The following EIF4G3 variants were observed in gnomAD, a reference collection of about 807,000 sequenced individuals.
EIF4G3 encodes the protein eukaryotic translation initiation factor 4 gamma 3.
Under a neutral mutation model 186.4 loss-of-function variants are expected in EIF4G3, and 34 were observed. The ratio of observed to expected loss-of-function variants is 0.18; its 90% CI spans 0.14 to 0.24. The LOEUF is 0.24. EIF4G3 is among the 10% of genes least tolerant of loss of function. The probability of loss-of-function intolerance (pLI) is 1.00; values close to 1 mark genes in which losing one functional copy is unlikely to be tolerated. For missense variants in EIF4G3, 1,536 were observed against 1,948.5 expected, an observed-to-expected ratio of 0.79 and a Z score of 3.99; for synonymous variants, 673 against 679.5, an observed-to-expected ratio of 0.99 and a Z score of 0.15.
At chr1:21,089,060 A>G in intron 3 of EIF4G3, 78 bp downstream of exon 3, 2 of 670,378 alleles carry the variant, frequency 3.0e-6, no homozygotes, top group Non-Finnish European at 5.5e-6. Context: ...TGTCAATCAA[A>G]CAAACACTGC....
At chr1:21,038,621 A>T (rs2093378616) in intron 4 of EIF4G3, among the ~76,000 whole-genome samples, 1 of 152,010 alleles carries the variant, frequency 6.6e-6, no homozygotes, top group African/African-American at 2.4e-5. Flanking sequence ...ATATACCCCT[A>T]ATTCAGACCA....
At chr1:20,840,331 A>G (rs1381840648) in intron 30 of EIF4G3, among the ~76,000 whole-genome samples, 1 of 152,236 alleles carries the variant, frequency 6.6e-6, no homozygotes, top group East Asian at 1.9e-4. Flanking sequence ...ATTGACAAGA[A>G]TCATAATGAA....
At chr1:20,903,777 G>A (rs2091218465) in intron 15 of EIF4G3, among the ~76,000 whole-genome samples, 1 of 152,138 alleles carries the variant, frequency 6.6e-6, no homozygotes, top group Non-Finnish European at 1.5e-5. Context: ...ATTATAACTT[G>A]CTAAAAAAGC....
At chr1:20,859,150 A>G (rs2075778981) in intron 24 of EIF4G3, among the ~76,000 whole-genome samples, 2 of 152,318 alleles carry the variant, frequency 1.3e-5, no homozygotes, top group South Asian at 2.1e-4. Context: ...TCTCTATGAC[A>G]CTTGTATCTT....
chr1:20,941,273 G>A (rs1012320502), intron 14 of EIF4G3: 15 of 1,550,316 alleles, frequency 9.7e-6, no homozygotes, highest in African/African-American at 2.7e-5. Context: ...GAGGCATTTT[G>A]TATATTTGGA....
intron 3 of EIF4G3, among the ~76,000 whole-genome samples, chr1:21,072,859 G>A (rs2095484157): frequency 6.6e-6 from 1 of 152,164 alleles, no homozygotes; most frequent in South Asian, 2.1e-4. Flanking sequence ...TACTGATGGT[G>A]GCAGCAGCTG....
intron 4 of EIF4G3, among the ~76,000 whole-genome samples, chr1:21,036,375 G>T (rs181970126): frequency 1.1e-3 from 161 of 152,218 alleles, no homozygotes; most frequent in African/African-American, 3.6e-3. Flanking sequence ...CTTCCTGGAC[G>T]CAGGACAAGA....
At chr1:21,023,991 AGT>A (rs2091500222) in intron 4 of EIF4G3, among the ~76,000 whole-genome samples, 1 of 116,726 alleles carries the variant, frequency 8.6e-6, no homozygotes, top group African/African-American at 3.2e-5. Flanking sequence ...CCGGCCGCCC[AGT>A]CTGAGAAGTG....
At chr1:20,948,050 T>C (rs766560541) in intron 13 of EIF4G3, among the ~76,000 whole-genome samples, 23 of 152,202 alleles carry the variant, frequency 1.5e-4, no homozygotes, top group Non-Finnish European at 2.8e-4. Flanking sequence ...TTAAAAATCC[T>C]GGCACAGCTA....
At chr1:20,816,701 G>T (rs963702157) in intron 34 of EIF4G3, among the ~76,000 whole-genome samples, 2 of 104,734 alleles carry the variant, frequency 1.9e-5, no homozygotes, top group Admixed American at 9.4e-5. Flanking sequence ...ACTGGGAAGT[G>T]AGGAGCCCCT....
chr1:21,153,962 G>T (rs1229552592), intron 2 of EIF4G3, among the ~76,000 whole-genome samples: 3 of 152,258 alleles, frequency 2.0e-5, no homozygotes, highest in African/African-American at 7.2e-5. Flanking sequence ...TCACAGGCCA[G>T]TAAAAACTAC....
chr1:20,954,835 G>T (rs2096359589), intron 12 of EIF4G3, among the ~76,000 whole-genome samples: 1 of 152,198 alleles, frequency 6.6e-6, no homozygotes, highest in Non-Finnish European at 1.5e-5. Context: ...GCTTTACTGG[G>T]AAAGTTAAGA....
chr1:20,943,968 T>G (rs199922973), intron 13 of EIF4G3, among the ~76,000 whole-genome samples: 2,079 of 11,918 alleles, frequency 0.17, 181 homozygotes, highest in South Asian at 0.27. Context: ...CTTGTCTTTA[T>G]TTTTTTTGTG....
intron 29 of EIF4G3, among the ~76,000 whole-genome samples, chr1:20,845,526 G>A (rs2154549731): frequency 6.6e-6 from 1 of 152,190 alleles, no homozygotes; most frequent in East Asian, 1.9e-4. Flanking sequence ...GCCGGGCATG[G>A]TGGCGGGCGC....
intron 2 of EIF4G3, among the ~76,000 whole-genome samples, chr1:21,152,854 T>A (rs563775740): frequency 6.6e-6 from 1 of 152,252 alleles, no homozygotes; most frequent in African/African-American, 2.4e-5. Flanking sequence ...AAGCACGATG[T>A]ACACACTCTG....
At chr1:21,009,665 G>T (rs1271289410) in intron 4 of EIF4G3, among the ~76,000 whole-genome samples, 1 of 149,784 alleles carries the variant, frequency 6.7e-6, no homozygotes, top group Admixed American at 6.6e-5. Flanking sequence ...TGCTGGGGGG[G>T]TAGTGGGGGG....
intron 14 of EIF4G3, among the ~76,000 whole-genome samples, chr1:20,918,376 A>T (rs549243093): frequency 1.3e-4 from 20 of 151,942 alleles, no homozygotes; most frequent in Non-Finnish European, 1.9e-4. Flanking sequence ...CACTTTGCTA[A>T]TTTTTGTTTT....
chr1:20,886,703 C>A (rs2084279816), intron 18 of EIF4G3, among the ~76,000 whole-genome samples: 1 of 152,046 alleles, frequency 6.6e-6, no homozygotes, highest in African/African-American at 2.4e-5. Flanking sequence ...TCAATAATTA[C>A]AAAAATTCAC....
chr1:20,903,598 A>G (rs2091153351), intron 15 of EIF4G3, among the ~76,000 whole-genome samples: 1 of 152,142 alleles, frequency 6.6e-6, no homozygotes, highest in Non-Finnish European at 1.5e-5. Flanking sequence ...GCACCTCTAT[A>G]CCTTACTGCC....
Sources: allele counts gnomAD v4.1 joint callset (sites outside exome capture counted in the v4.1 genomes callset), GRCh38; gene constraint gnomAD v4.1.1; transcripts MANE v1.5; gene names NCBI Gene and HGNC (gene_info 2026-07-23, HGNC 2026-07-21).